The following FOXB1 variants were observed in gnomAD, a reference collection of about 807,000 sequenced individuals.
The protein encoded by FOXB1 is forkhead box protein B1.
In FOXB1, 6 loss-of-function variants were observed where a neutral mutation model predicts 18.6. The observed-to-expected ratio is 0.32, with a 90% CI of 0.18 to 0.64. The LOEUF (loss-of-function observed/expected upper bound fraction) is 0.64, where lower values mean the gene tolerates loss of function less well. Ranked by LOEUF, FOXB1 falls within the 30% of genes least tolerant of loss-of-function variation. The pLI is 0.78. For synonymous variants in FOXB1, 213 were observed against 216.0 expected, an observed-to-expected ratio of 0.99 and a Z score of 0.12; for missense variants, 419 against 463.6, an observed-to-expected ratio of 0.90 and a Z score of 0.88.
Position 60,005,116 on chromosome 15 carries a change from G to C in FOXB1, c.153G>C (p.Arg51Ser), listed in dbSNP as rs1397292539. The change falls in exon 2 of 2, where the codon AGG (arginine) becomes AGC (serine). Residue 51 changes from arginine to serine, a missense_variant. Physicochemically the swap from Arg to Ser is moderately radical, Grantham distance 110. Around this residue, in one of 3 missense-constraint regions of FOXB1, gnomAD observed 153 missense variants for 173.8 expected, o/e 0.88. Coordinates refer to ENST00000396057, the MANE Select transcript of FOXB1 (RefSeq NM_012182.3). This position sits in a 1 kb window ranked among gnomAD's most constrained non-coding sequence, Gnocchi z 9.8. ...TCATGGACCGCTTCCCCTACTACAG[G>C]GAGAACACGCAGCGCTGGCAGAACA... Reference protein sequence around the residue: ...KFIMDRFPYYRENTQRWQNSL... With the variant: ...KFIMDRFPYYSENTQRWQNSL... The C allele has an allele frequency of 6.2e-7, 1 of 1,614,164 alleles. No homozygotes were observed. The highest frequency in any genetic ancestry group is 8.5e-7 in the Non-Finnish European group (1 of 1,180,018).
In FOXB1 at chr15:60,004,910, C is replaced by T; in HGVS notation, c.-54C>T. Reference sequence around the variant, plus strand: ...CTATTACCCACCCCCTTCCCAGATCCGAGCAGTCCGCCGGCCCGCGCGGAC... The same window carrying T: ...CTATTACCCACCCCCTTCCCAGATCTGAGCAGTCCGCCGGCCCGCGCGGAC... On this transcript the variant is annotated 5_prime_UTR_variant, in exon 2 of 2. Coordinates refer to ENST00000396057, the MANE Select transcript of FOXB1 (RefSeq NM_012182.3). 1 of 1,567,510 alleles carries T rather than the reference C, an allele frequency of 6.4e-7. No individual in the cohort carries two copies. Among genetic ancestry groups the T allele is most frequent in the Non-Finnish European group, 8.6e-7 (1 of 1,157,444 alleles).
Position 60,006,418 on chromosome 15 carries a change from C to G in FOXB1, c.*477C>G, listed in dbSNP as rs1892099395. The G allele has an allele frequency of 6.2e-6, 1 of 161,926 alleles. No individual in the cohort carries two copies. Among genetic ancestry groups the G allele is most frequent in the Non-Finnish European group, 1.3e-5 (1 of 75,168 alleles). 10.0% of individuals were successfully genotyped at this position (161,926 alleles called of 1,614,324 possible). On this transcript the variant is annotated 3_prime_UTR_variant, in exon 2 of 2. Transcript: ENST00000396057. ...GGGCTGCAACAGCGCAGGGGAGGGC[C>G]GGATCTCTTTACGTCTTGGAAATCT...
Position 60,006,181 on chromosome 15 carries a change from G to A in FOXB1, c.*240G>A. ...CGCCCCCACATCAAGGAAGGCCGGG[G>A]CCACCTGAGCCGAACCATCCCCTCC... is the stretch of plus-strand genomic sequence containing the variant. On this transcript the variant is annotated 3_prime_UTR_variant, in exon 2 of 2. Coordinates refer to ENST00000396057, the MANE Select transcript of FOXB1 (RefSeq NM_012182.3). The A allele has an allele frequency of 1.9e-6, 1 of 528,738 alleles. No homozygotes were observed. The allele number at this position is 528,738 out of a possible 1,614,324, so 32.8% of individuals were successfully genotyped here.
rs1417554199 is a variant in FOXB1, at chr15:60,005,431, C to G, written c.468C>G (p.Asn156Lys). Residue 156 changes from asparagine to lysine, a missense_variant, in exon 2 of 2, where the codon AAC (asparagine) becomes AAG (lysine). Physicochemically the swap from Asn to Lys is moderately conservative, Grantham distance 94 (BLOSUM62 0). Coordinates refer to ENST00000396057, the MANE Select transcript of FOXB1 (RefSeq NM_012182.3). This position sits in a 1 kb window ranked among gnomAD's most constrained non-coding sequence, Gnocchi z 9.8. ...CACAGATGCCCGCCGCCGCCTACAACTTGGGCGGCGTGGCGCAGCCCTCGG... is the reference window on the plus strand; with the variant it reads ...CACAGATGCCCGCCGCCGCCTACAAGTTGGGCGGCGTGGCGCAGCCCTCGG... ...HLPQMPAAAY[N>K]LGGVAQPSGF... The G allele has an allele frequency of 6.2e-7, 1 of 1,610,050 alleles. No homozygotes were observed. Among genetic ancestry groups the G allele is most frequent in the South Asian group, 1.1e-5 (1 of 90,808 alleles).
intron 1 of FOXB1, 46 bp downstream of exon 1, chr15:60,004,689 T>A (rs1892068310): frequency 1.9e-6 from 1 of 519,826 alleles, no homozygotes; most frequent in African/African-American, 1.9e-5. Flanking sequence ...CTGGCCCCAG[T>A]ACCGACTTAC....
In FOXB1 at chr15:60,005,194, G is replaced by A; in HGVS notation, c.231G>A (p.Arg77=). Residue 77 remains arginine (R), a synonymous_variant, in exon 2 of 2, where the codon CGG becomes CGA. Transcript: ENST00000396057. The surrounding 1 kb of genome is among the most constrained non-coding windows in gnomAD (Gnocchi z 9.8). The part of the protein sequence containing the change: ...FNDCFIKIPR[R]PDQPGKGSFW... ...ACTGCTTCATCAAGATCCCGCGGCG[G>A]CCGGACCAGCCAGGCAAGGGCAGCT... is the stretch of plus-strand genomic sequence containing the variant. The A allele has an allele frequency of 6.2e-7, 1 of 1,614,218 alleles. No individual in the cohort carries two copies. The highest frequency in any genetic ancestry group is 8.5e-7 in the Non-Finnish European group (1 of 1,180,044).
chr15:60,005,657 T>C lies in FOXB1; in HGVS notation c.694T>C (p.Ser232Pro). 6.2e-7 allele frequency: 1 copy of C among 1,608,602 alleles called. No individual in the cohort carries two copies. The highest frequency in any genetic ancestry group is 8.5e-7 in the Non-Finnish European group (1 of 1,179,096). Residue 232 changes from serine (S) to proline (P), a missense_variant, in exon 2 of 2, where the codon TCC becomes CCC. By Grantham distance (74) the Ser-to-Pro change is moderately conservative. Around this residue, in one of 3 missense-constraint regions of FOXB1, gnomAD observed 195 missense variants for 179.8 expected, o/e 1.08. Transcript: ENST00000396057. The surrounding 1 kb of genome is among the most constrained non-coding windows in gnomAD (Gnocchi z 9.8). ...CATGATCGACTCGGCCACCCCCATCTCCATGGCGAGTGGCGACTACAGCGC... is the reference window on the plus strand; with the variant it reads ...CATGATCGACTCGGCCACCCCCATCCCCATGGCGAGTGGCGACTACAGCGC... ...AGMIDSATPI[S>P]MASGDYSAYG... is the part of the protein sequence containing the mutation.
At position 60,006,147 on chromosome 15, in the gene FOXB1, A is replaced by T; in HGVS notation, c.*206A>T. The T allele has an allele frequency of 1.6e-6, 1 of 640,130 alleles. No homozygotes were observed. The highest frequency in any genetic ancestry group is 2.5e-6 in the Non-Finnish European group (1 of 392,358). 39.7% of individuals were successfully genotyped at this position (640,130 alleles called of 1,614,324 possible). ...GCAGATGGGCCGAGAGGCGCGTGGG[A>T]GTTGTCCTCGCCCCCACATCAAGGA... is the stretch of plus-strand genomic sequence containing the variant. On this transcript the variant is annotated 3_prime_UTR_variant, in exon 2 of 2. Transcript: ENST00000396057.
In FOXB1 at chr15:60,004,968, C is replaced by G; in HGVS notation, c.5C>G (p.Pro2Arg). The change falls in exon 2 of 2, where the codon CCT becomes CGT. Residue 2 changes from proline to arginine, a missense_variant. Physicochemically the swap from Pro to Arg is moderately radical, Grantham distance 103. Transcript: ENST00000396057. M[P>R]RPGRNTYSDQ... ...AAGAAGAGGGCGAGGAAGAAGATGC[C>G]TCGGCCCGGCCGCAACACGTACAGC... 1 of 1,610,304 alleles carries G rather than the reference C, an allele frequency of 6.2e-7. No homozygotes were observed. Among genetic ancestry groups the G allele is most frequent in the East Asian group, 2.2e-5 (1 of 44,816 alleles).
In FOXB1 at chr15:60,006,807, T is replaced by C. The variant is rs1249258489; in HGVS notation, c.*866T>C. ...TTGTAATGTGAATGTTTACTCTTCA[T>C]TTCTGGCCAGGTTTAGAAAGGGAGG... On this transcript the variant is annotated 3_prime_UTR_variant, in exon 2 of 2. Coordinates refer to ENST00000396057, the MANE Select transcript of FOXB1 (RefSeq NM_012182.3). 1 of 152,038 alleles carries C rather than the reference T, an allele frequency of 6.6e-6. No individual in the cohort carries two copies. Among genetic ancestry groups the C allele is most frequent in the Non-Finnish European group, 1.5e-5 (1 of 68,016 alleles). 9.4% of individuals were successfully genotyped at this position (152,038 alleles called of 1,614,324 possible).
In FOXB1 at chr15:60,004,891, C is replaced by T. The variant is rs1389612477; in HGVS notation, c.-57-16C>T. 3 of 1,493,838 alleles carry T rather than the reference C, an allele frequency of 2.0e-6. No individual in the cohort carries two copies. Among genetic ancestry groups the T allele is most frequent in the Admixed American group, 4.1e-5 (2 of 48,404 alleles). 92.5% of individuals were successfully genotyped at this position (1,493,838 alleles called of 1,614,324 possible). Reference sequence around the variant, plus strand: ...GCATCCATGCTACCTTTCCCTATTACCCACCCCCTTCCCAGATCCGAGCAG... The same window carrying T: ...GCATCCATGCTACCTTTCCCTATTATCCACCCCCTTCCCAGATCCGAGCAG... On this transcript the variant is annotated splice_polypyrimidine_tract_variant and intron_variant, in intron 1 of 1. Coordinates refer to ENST00000396057, the MANE Select transcript of FOXB1 (RefSeq NM_012182.3).
At position 60,005,398 on chromosome 15, in the gene FOXB1, G is replaced by A. The variant is rs944860269; in HGVS notation, c.435G>A (p.Thr145=). ...TCAGCGCGCTGGCGGCCTCGGGCAC[G>A]CACCTGCCACAGATGCCCGCCGCCG... ...LRLSALAASG[T]HLPQMPAAAY... Residue 145 remains threonine, a synonymous_variant, in exon 2 of 2, where the codon ACG becomes ACA. Coordinates refer to ENST00000396057, the MANE Select transcript of FOXB1 (RefSeq NM_012182.3). This position sits in a 1 kb window ranked among gnomAD's most constrained non-coding sequence, Gnocchi z 9.8. The A allele has an allele frequency of 1.2e-6, 2 of 1,601,510 alleles. No individual in the cohort carries two copies. The highest frequency in any genetic ancestry group is 1.1e-5 in the South Asian group (1 of 90,042).
In FOXB1 at chr15:60,005,014, G is replaced by C. The variant is rs745661779; in HGVS notation, c.51G>C (p.Ser17=). 1.9e-6 allele frequency: 3 copies of C among 1,613,998 alleles called. No individual in the cohort carries two copies. The South Asian group carries it at 3.3e-5, about 18-fold the overall frequency. The change falls in exon 2 of 2, where the codon TCG becomes TCC. Residue 17 remains serine (S), a synonymous_variant. Transcript: ENST00000396057. The surrounding 1 kb of genome is among the most constrained non-coding windows in gnomAD (Gnocchi z 9.8). ...ACAGCGACCAGAAGCCGCCCTACTC[G>C]TACATCTCGCTGACCGCTATGGCCA... ...NTYSDQKPPY[S]YISLTAMAIQ... is the part of the protein sequence containing the mutation.
Position 60,007,405 on chromosome 15 carries a change from G to T in FOXB1, c.*1464G>T, listed in dbSNP as rs1279419137. 1.3e-5 allele frequency: 2 copies of T among 152,070 alleles called. No homozygotes were observed. The highest frequency in any genetic ancestry group is 2.4e-5 in the African/African-American group (1 of 41,394). The allele number at this position is 152,070 out of a possible 1,614,324, so 9.4% of individuals were successfully genotyped here. A position where few individuals can be genotyped will look rare whatever the true frequency, so the allele number is the denominator to read the frequency against. On this transcript the variant is annotated 3_prime_UTR_variant, in exon 2 of 2. Coordinates refer to ENST00000396057, the MANE Select transcript of FOXB1 (RefSeq NM_012182.3). ...GGTGTCTACATTAAATTATGACCTA[G>T]TCCAAATAATATTTTCTCATTAAAA...
chr15:60,006,235 A>C lies in FOXB1; in HGVS notation c.*294A>C. On this transcript the variant is annotated 3_prime_UTR_variant, in exon 2 of 2. Coordinates refer to ENST00000396057, the MANE Select transcript of FOXB1 (RefSeq NM_012182.3). ...AGGCCCCGAAACCCCCTCCTATTTG[A>C]CCGGCGGGGGAAACCCTGTCACCCC... 1 of 427,216 alleles carries C rather than the reference A, an allele frequency of 2.3e-6. No individual in the cohort carries two copies. Among genetic ancestry groups the C allele is most frequent in the Non-Finnish European group, 4.1e-6 (1 of 243,022 alleles). 26.5% of individuals were successfully genotyped at this position (427,216 alleles called of 1,614,324 possible).
chr15:60,005,357 C>G lies in FOXB1; in HGVS notation c.394C>G (p.Gln132Glu). 6.2e-7 allele frequency: 1 copy of G among 1,608,036 alleles called. No homozygotes were observed. Residue 132 changes from glutamine (Q) to glutamate (E), a missense_variant, in exon 2 of 2, where the codon CAG becomes GAG. Physicochemically the swap from Gln to Glu is conservative, Grantham distance 29. Transcript: ENST00000396057. This position sits in a 1 kb window ranked among gnomAD's most constrained non-coding sequence, Gnocchi z 9.8. ...PADAAQYLQQ[Q>E]AKLRLSALAA... ...CGACGCGGCGCAGTACCTGCAGCAG[C>G]AGGCCAAGCTGCGGCTCAGCGCGCT...
Position 60,005,582 on chromosome 15 carries a change from ATGGGCAGCTCGC to A in FOXB1, c.626_637del (p.Ser209_Gly212del), listed in dbSNP as rs751222740. The A allele has an allele frequency of 6.2e-7, 1 of 1,608,748 alleles. No individual in the cohort carries two copies. Among genetic ancestry groups the A allele is most frequent in the Middle Eastern group, 1.7e-4 (1 of 6,048 alleles). ...CCCGCTCCCCAACCAGTTGACTACCATGGGCAGCTCGCTGGGCACCGGCTGGCCACACGTGTA... is the reference window on the plus strand; with the variant it reads ...CCCGCTCCCCAACCAGTTGACTACCATGGGCACCGGCTGGCCACACGTGTA... On this transcript the variant is annotated inframe_deletion, in exon 2 of 2. Coordinates refer to ENST00000396057, the MANE Select transcript of FOXB1 (RefSeq NM_012182.3). The surrounding 1 kb of genome is among the most constrained non-coding windows in gnomAD (Gnocchi z 9.8).
At position 60,005,231 on chromosome 15, in the gene FOXB1, C is replaced by G; in HGVS notation, c.268C>G (p.His90Asp). 2 of 1,614,188 alleles carry G rather than the reference C, an allele frequency of 1.2e-6. No individual in the cohort carries two copies. The highest frequency in any genetic ancestry group is 2.2e-5 in the South Asian group (2 of 91,086). The change falls in exon 2 of 2, where the codon CAC (histidine) becomes GAC (aspartate). Residue 90 changes from histidine (H) to aspartate (D), a missense_variant. Coordinates refer to ENST00000396057, the MANE Select transcript of FOXB1 (RefSeq NM_012182.3). This position sits in a 1 kb window ranked among gnomAD's most constrained non-coding sequence, Gnocchi z 9.8. ...AGGCAAGGGCAGCTTCTGGGCGCTG[C>G]ACCCAAGCTGCGGGGACATGTTCGA... The part of the protein sequence containing the change: ...QPGKGSFWAL[H>D]PSCGDMFENG...
In FOXB1 at chr15:60,007,138, C is replaced by T. The variant is rs1892109702; in HGVS notation, c.*1197C>T. 6.6e-6 allele frequency: 1 copy of T among 152,004 alleles called. No individual in the cohort carries two copies. The highest frequency in any genetic ancestry group is 1.5e-5 in the Non-Finnish European group (1 of 68,020). The allele number at this position is 152,004 out of a possible 1,614,324, so 9.4% of individuals were successfully genotyped here. A position where few individuals can be genotyped will look rare whatever the true frequency, so the allele number is the denominator to read the frequency against. ...ACTTGTGAATAGGAATGATTATACACTGTGTAAAATGCACTTTTGTTTGCT... is the reference window on the plus strand; with the variant it reads ...ACTTGTGAATAGGAATGATTATACATTGTGTAAAATGCACTTTTGTTTGCT... On this transcript the variant is annotated 3_prime_UTR_variant, in exon 2 of 2. Transcript: ENST00000396057.
Sources: gnomAD v4.1 joint callset for allele counts on GRCh38, gnomAD v4.1.1 for gene constraint, gnomAD v4.1.1 regional missense constraint, Gnocchi (gnomAD v3.1) non-coding constraint, MANE v1.5 for transcripts, NCBI Gene and HGNC (gene_info 2026-07-23, HGNC 2026-07-21) for gene names.